Variants in SLC4A4 observed in about 807,000 individuals in gnomAD.
SLC4A4 encodes electrogenic sodium bicarbonate cotransporter 1.
A neutral mutation model predicts 111.5 loss-of-function variants in SLC4A4; 27 were observed. That is an observed-to-expected ratio of 0.24 (90% CI 0.18 to 0.33). SLC4A4 has a LOEUF of 0.33. Among genes scored for constraint, SLC4A4 ranks in the 10% least tolerant of loss-of-function variants. The pLI is 1.00. For missense variants in SLC4A4, 909 were observed against 1,315.5 expected (o/e 0.69, Z 4.78); for synonymous variants, 443 against 463.4 (o/e 0.96, Z 0.57).
chr4:71,230,608 C>T (rs1321048217), intron 1 of SLC4A4, among the ~76,000 whole-genome samples: 1 of 152,194 alleles, frequency 6.6e-6, no homozygotes, highest in African/African-American at 2.4e-5. Flanking sequence ...ACGGAGAGAA[C>T]CAGTGATATT....
At chr4:71,430,182 T>C (rs1723510605) in intron 7 of SLC4A4, among the ~76,000 whole-genome samples, 1 of 152,142 alleles carries the variant, frequency 6.6e-6, no homozygotes, top group African/African-American at 2.4e-5. Context: ...TTGGACAGTG[T>C]ACTTTTTATA....
At chr4:71,135,454 C>T (rs1401438561) in intron 2 of SLC4A4, among the ~76,000 whole-genome samples, 1 of 151,966 alleles carries the variant, frequency 6.6e-6, no homozygotes, top group Non-Finnish European at 1.5e-5. Flanking sequence ...CACCACCATG[C>T]CTGGCTAATT....
intron 2 of SLC4A4, among the ~76,000 whole-genome samples, chr4:71,107,340 G>A (rs1254624678): frequency 1.3e-5 from 2 of 151,700 alleles, no homozygotes; most frequent in Non-Finnish European, 2.9e-5. Flanking sequence ...GTGTTTAGTT[G>A]ACTTTTTGTT....
At chr4:71,518,635 A>G (rs1436696332) in intron 16 of SLC4A4, among the ~76,000 whole-genome samples, 1 of 152,044 alleles carries the variant, frequency 6.6e-6, no homozygotes, top group Non-Finnish European at 1.5e-5. Context: ...TGACCTGAGG[A>G]CTAGGGCCAT....
At chr4:71,522,052 T>C (rs1732982432) in intron 16 of SLC4A4, among the ~76,000 whole-genome samples, 1 of 152,036 alleles carries the variant, frequency 6.6e-6, no homozygotes, top group South Asian at 2.1e-4. Flanking sequence ...GTCTATCAGG[T>C]ATTTAATTTG....
intron 9 of SLC4A4, among the ~76,000 whole-genome samples, chr4:71,448,311 T>G (rs1294686149): frequency 1.9e-5 from 2 of 106,120 alleles, no homozygotes; most frequent in Admixed American, 1.1e-4. Context: ...CAGAGCGAGA[T>G]TCCATCTCAA....
chr4:71,168,563 C>G (rs1744847149), intron 2 of SLC4A4, among the ~76,000 whole-genome samples: 1 of 152,112 alleles, frequency 6.6e-6, no homozygotes, highest in South Asian at 2.1e-4. Context: ...TAAATTCTTT[C>G]TATTTTTTTG....
chr4:71,199,710 C>A (rs545774621), intron 1 of SLC4A4, among the ~76,000 whole-genome samples: 1 of 151,914 alleles, frequency 6.6e-6, no homozygotes, highest in Non-Finnish European at 1.5e-5. Flanking sequence ...AGTGCAGTGG[C>A]GCAATCTCGG....
intron 1 of SLC4A4, among the ~76,000 whole-genome samples, chr4:71,075,983 A>AAACT (rs1741804177): frequency 6.6e-6 from 1 of 150,974 alleles, no homozygotes; most frequent in Non-Finnish European, 1.5e-5. Flanking sequence ...ATAAATAAAT[A>AAACT]AATAAATAAA....
chr4:71,390,508 C>G (rs756268446), intron 6 of SLC4A4, among the ~76,000 whole-genome samples: 1 of 152,122 alleles, frequency 6.6e-6, no homozygotes, highest in Non-Finnish European at 1.5e-5. Context: ...TTTGTGACAA[C>G]TATTTAATTA....
intron 2 of SLC4A4, among the ~76,000 whole-genome samples, chr4:71,110,502 G>A (rs1411089666): frequency 2.0e-5 from 3 of 152,086 alleles, no homozygotes; most frequent in Non-Finnish European, 4.4e-5. Context: ...CACTGTACCT[G>A]GGCAAATCTC....
At chr4:71,120,161 G>A (rs1222143286) in intron 2 of SLC4A4, among the ~76,000 whole-genome samples, 4 of 152,030 alleles carry the variant, frequency 2.6e-5, no homozygotes, top group African/African-American at 9.7e-5. Flanking sequence ...TCCTTTGATT[G>A]TGGATTGTTT....
chr4:71,186,914 AAGTAG>A (rs1745473841), upstream of SLC4A4: 1 of 152,556 alleles, frequency 6.6e-6, no homozygotes, highest in South Asian at 2.1e-4. Context: ...GCAGGAGGCA[AAGTAG>A]AGTAGACGCC....
rs1322505626 is a variant in SLC4A4, at chr4:71,339,475, G to C, written c.359G>C (p.Gly120Ala). Residue 120 changes from glycine (G) to alanine (A), a missense_variant, in exon 4 of 26, where the codon GGG becomes GCG. This residue lies in a region of SLC4A4 where 117 missense variants were observed against 154.2 expected (regional missense o/e 0.76). Transcript: ENST00000264485. ...CTGGATGAGCTGCTGGCCGTGGATG[G>C]GCAGGAGATGGAGTGGAAGGAAACA... ...TELDELLAVDGQEMEWKETAR... is the reference protein window; with the variant it reads ...TELDELLAVDAQEMEWKETAR... 1 of 1,613,882 alleles carries C rather than the reference G, an allele frequency of 6.2e-7. No homozygotes were observed. Among genetic ancestry groups the C allele is most frequent in the East Asian group, 2.2e-5 (1 of 44,872 alleles).
At chr4:71,281,489 A>G (rs1723511865) in intron 3 of SLC4A4, among the ~76,000 whole-genome samples, 1 of 152,182 alleles carries the variant, frequency 6.6e-6, no homozygotes, top group African/African-American at 2.4e-5. Flanking sequence ...TCTCCTGTGT[A>G]AAAACAAGGG....
chr4:71,126,376 G>C (rs911076692), intron 2 of SLC4A4, among the ~76,000 whole-genome samples: 2 of 152,156 alleles, frequency 1.3e-5, no homozygotes, highest in Non-Finnish European at 2.9e-5. Flanking sequence ...AATATGTGCA[G>C]GAATTATGTC....
chr4:71,483,882 G>T (rs1388995787), intron 14 of SLC4A4, among the ~76,000 whole-genome samples: 2 of 151,864 alleles, frequency 1.3e-5, no homozygotes, highest in Non-Finnish European at 2.9e-5. Context: ...GGTGTGAATA[G>T]TATCTCACTG....
At chr4:71,330,616 A>C (rs1264666594) in intron 3 of SLC4A4, among the ~76,000 whole-genome samples, 5 of 152,230 alleles carry the variant, frequency 3.3e-5, no homozygotes, top group Non-Finnish European at 5.9e-5. Context: ...TATTAGACCT[A>C]AAACCATAAA....
rs747715733 is a variant in SLC4A4, at chr4:71,567,774, T to TC, written c.*37-12dup. ...CTGATTTACTTACTACTTTTTTTTT[T>TC]CCTTTTTCTCTAGTCCTCCTAGAAC... On this transcript the variant is annotated splice_polypyrimidine_tract_variant and intron_variant, in intron 25 of 25. Coordinates refer to ENST00000264485, the MANE Select transcript of SLC4A4 (RefSeq NM_001098484.3). 32 of 1,302,090 alleles carry TC rather than the reference T, an allele frequency of 2.5e-5. No homozygotes were observed. The South Asian group carries it at 4.2e-4, about 17-fold the overall frequency. 80.7% of individuals were successfully genotyped at this position (1,302,090 alleles called of 1,614,324 possible). A position where few individuals can be genotyped will look rare whatever the true frequency, so the allele number is the denominator to read the frequency against.
Sources: allele counts gnomAD v4.1 joint callset (sites outside exome capture counted in the v4.1 genomes callset), GRCh38; gene constraint gnomAD v4.1.1; regional missense constraint gnomAD v4.1.1; transcripts MANE v1.5; gene names NCBI Gene and HGNC (gene_info 2026-07-23, HGNC 2026-07-21).